The following MYO16 variants were observed in gnomAD, a reference collection of about 807,000 sequenced individuals.
The protein encoded by MYO16 is unconventional myosin-XVI.
Under a neutral mutation model 205.3 loss-of-function variants are expected in MYO16, and 94 were observed. That is an observed-to-expected ratio of 0.46 (90% CI 0.39 to 0.54). The LOEUF is 0.54. Among genes scored for constraint, MYO16 ranks in the 20% least tolerant of loss-of-function variants. MYO16 has a pLI of 0.00. For missense variants in MYO16, 2,315 were observed against 2,387.5 expected, an observed-to-expected ratio of 0.97 and a Z score of 0.63; for synonymous variants, 988 against 954.0, an observed-to-expected ratio of 1.04 and a Z score of -0.66.
At chr13:109,161,124 G>A (rs550324729) in intron 32 of MYO16, among the ~76,000 whole-genome samples, 3 of 152,258 alleles carry the variant, frequency 2.0e-5, no homozygotes, top group Non-Finnish European at 2.9e-5. Flanking sequence ...AGAATGCCGC[G>A]GCTACTACAA....
At position 109,039,764 on chromosome 13, in the gene MYO16, A is replaced by G. The variant is rs185335641; in HGVS notation, c.2797-7152A>G. On this transcript the variant is annotated intron_variant, in intron 23 of 34. Transcript: ENST00000457511. ...AGAAAATAGGGAAAATCTCAAACCA[A>G]TAATCTAAGCTCCCATCTCAGGAAC... is the stretch of plus-strand genomic sequence containing the variant. Among the ~76,000 whole-genome samples, 7 of 152,316 alleles carry G rather than the reference A, an allele frequency of 4.6e-5. No homozygotes were observed. The East Asian group carries it at 7.7e-4, about 17-fold the overall frequency.
At chr13:108,543,467 A>C in the MYO16 span, among the ~76,000 whole-genome samples, 1 of 151,720 alleles carries the variant, frequency 6.6e-6, no homozygotes, top group Non-Finnish European at 1.5e-5. Context: ...ACACGGTGAA[A>C]CCCCGTCTCT....
chr13:109,023,215 A>C (rs868657993), intron 23 of MYO16, among the ~76,000 whole-genome samples: 14 of 114,040 alleles, frequency 1.2e-4, no homozygotes, highest in South Asian at 2.7e-4. Flanking sequence ...AAATTTATGT[A>C]TATATTTATA....
intron 1 of MYO16, among the ~76,000 whole-genome samples, chr13:108,612,676 A>C (rs1879218407): frequency 7.0e-6 from 1 of 142,960 alleles, no homozygotes; most frequent in African/African-American, 2.5e-5. Context: ...GGAGGCTCAG[A>C]GGAAGGGGCA....
At chr13:109,110,611 A>G (rs1488763653) in intron 28 of MYO16, among the ~76,000 whole-genome samples, 2 of 152,230 alleles carry the variant, frequency 1.3e-5, no homozygotes, top group East Asian at 1.9e-4. Flanking sequence ...ATTTTCATAT[A>G]AATGTATCCT....
chr13:109,085,872 T>C (rs571684200), intron 27 of MYO16, among the ~76,000 whole-genome samples: 158 of 152,262 alleles, frequency 1.0e-3, no homozygotes, highest in African/African-American at 3.8e-3. Context: ...CCATACACTA[T>C]GGAAACAGAA....
chr13:108,643,048 G>T lies in MYO16; in HGVS notation c.28+13176G>T, dbSNP rs561371501. ...TACAGAACTTATTTTTAGGTGTATA[G>T]TTAAAAAAAAATTTGACAAATGAGG... On this transcript the variant is annotated intron_variant, in intron 1 of 34. Coordinates refer to ENST00000457511, the MANE Select transcript of MYO16 (RefSeq NM_001198950.3). Among the ~76,000 whole-genome samples the T allele has an allele frequency of 3.9e-5, 6 of 152,030 alleles. No individual in the cohort carries two copies. In the East Asian group the frequency reaches 9.7e-4, roughly 24 times the overall value.
At chr13:108,616,658 C>G (rs937897217) in intron 1 of MYO16, among the ~76,000 whole-genome samples, 9 of 152,116 alleles carry the variant, frequency 5.9e-5, no homozygotes, top group African/African-American at 2.2e-4. Context: ...GAATTCCTTC[C>G]TTACTGCTCT....
intron 23 of MYO16, among the ~76,000 whole-genome samples, chr13:109,043,787 A>G (rs866002732): frequency 2.0e-5 from 3 of 152,184 alleles, no homozygotes; most frequent in Admixed American, 6.5e-5. Flanking sequence ...TCTAATCTAC[A>G]TAACGTGCAG....
chr13:108,576,998 C>T, the MYO16 span, among the ~76,000 whole-genome samples: 26,056 of 152,058 alleles, frequency 0.17, 2,474 homozygotes, highest in Non-Finnish European at 0.22. Context: ...TGACCTCAAG[C>T]GCTCCTCCTG....
At chr13:108,652,445 A>T (rs1373407210) in intron 1 of MYO16, among the ~76,000 whole-genome samples, 2 of 152,216 alleles carry the variant, frequency 1.3e-5, no homozygotes, top group Non-Finnish European at 2.9e-5. Flanking sequence ...TACCATTGCA[A>T]CCATTTTTAA....
At chr13:108,764,651 G>T (rs1422555663) in intron 4 of MYO16, among the ~76,000 whole-genome samples, 1 of 151,972 alleles carries the variant, frequency 6.6e-6, no homozygotes, top group Non-Finnish European at 1.5e-5. Context: ...AACCATATGG[G>T]GCTCTTTACT....
chr13:109,008,569 A>G (rs773233044), intron 21 of MYO16, among the ~76,000 whole-genome samples: 1,153 of 71,800 alleles, frequency 0.016, 2 homozygotes, highest in Middle Eastern at 0.024. Context: ...CTACTGTACT[A>G]TCTATCTTGT....
At chr13:108,733,948 G>A (rs1022424659) in intron 4 of MYO16, among the ~76,000 whole-genome samples, 8 of 152,102 alleles carry the variant, frequency 5.3e-5, no homozygotes, top group African/African-American at 9.7e-5. Flanking sequence ...CAGCCTGGGC[G>A]ACAGAATGAG....
intron 33 of MYO16, among the ~76,000 whole-genome samples, chr13:109,174,613 A>G (rs1373583582): frequency 6.6e-6 from 1 of 152,152 alleles, no homozygotes; most frequent in Non-Finnish European, 1.5e-5. Context: ...AGAGAATTCA[A>G]ACCCTCTTGC....
chr13:108,707,197 A>G (rs934119887), intron 2 of MYO16, among the ~76,000 whole-genome samples: 2 of 152,266 alleles, frequency 1.3e-5, no homozygotes, highest in Admixed American at 1.3e-4. Context: ...TGTTGTTTCC[A>G]GGCTGGACGG....
intron 12 of MYO16, among the ~76,000 whole-genome samples, chr13:108,878,216 T>A (rs1879417576): frequency 6.6e-6 from 1 of 152,036 alleles, no homozygotes; most frequent in Non-Finnish European, 1.5e-5. Context: ...TGGGAACAGA[T>A]ATTCCTGTTT....
intron 10 of MYO16, among the ~76,000 whole-genome samples, chr13:108,846,524 T>TG (rs568343428): frequency 1.4e-5 from 1 of 74,030 alleles, no homozygotes; most frequent in East Asian, 2.3e-4. Flanking sequence ...ATATATCCTT[T>TG]GGGGGGGAAT....
chr13:108,704,023 T>C (rs565710105), intron 2 of MYO16, among the ~76,000 whole-genome samples: 1 of 152,134 alleles, frequency 6.6e-6, no homozygotes, highest in East Asian at 1.9e-4. Flanking sequence ...GACACAGTGA[T>C]GACACAGTGA....
Sources: gnomAD v4.1 joint callset for allele counts (sites outside exome capture counted in the v4.1 genomes callset) on GRCh38, gnomAD v4.1.1 for gene constraint, MANE v1.5 for transcripts, NCBI Gene and HGNC (gene_info 2026-07-23, HGNC 2026-07-21) for gene names.